The following TECR variants were observed in gnomAD, a reference collection of about 807,000 sequenced individuals.
TECR encodes the protein trans-2,3-enoyl-CoA reductase.
A neutral mutation model predicts 50.6 loss-of-function variants in TECR; 19 were observed. That is an observed-to-expected ratio of 0.38 (90% CI 0.26 to 0.55). TECR has a LOEUF of 0.55. TECR is among the 20% of genes least tolerant of loss of function. The probability of loss-of-function intolerance (pLI) is 0.79; values close to 1 mark genes in which losing one functional copy is unlikely to be tolerated. For synonymous variants in TECR, 168 were observed against 163.5 expected, an observed-to-expected ratio of 1.03 and a Z score of -0.21; for missense variants, 313 against 408.3, an observed-to-expected ratio of 0.77 and a Z score of 2.01.
chr19:14,546,432 C>T (rs2073309461), intron 1 of TECR, among the ~76,000 whole-genome samples: 1 of 152,096 alleles, frequency 6.6e-6, no homozygotes, highest in Non-Finnish European at 1.5e-5. Flanking sequence ...ACTAAAAATA[C>T]AAAAATTAAC....
rs193067302 is a variant in TECR at position 14,538,065 on chromosome 19, G to T, written c.15+8354G>T. Among the ~76,000 whole-genome samples, 174 of 152,270 alleles carry T rather than the reference G, an allele frequency of 1.1e-3. 5 individuals carry two copies. The highest frequency in any genetic ancestry group is 3.4e-3 in the Middle Eastern group (1 of 290). ...CGGCAGTGTGAGTGCTTCTTATCTA[G>T]TAACATATCTAAATCGTGTACTAAA... On this transcript the variant is annotated intron_variant, in intron 1 of 12. Coordinates refer to ENST00000215567, the MANE Select transcript of TECR (RefSeq NM_138501.6).
At chr19:14,542,137 T>C (rs945090731) in intron 1 of TECR, among the ~76,000 whole-genome samples, 14 of 152,016 alleles carry the variant, frequency 9.2e-5, no homozygotes, top group African/African-American at 2.7e-4. Context: ...CTATGAATTA[T>C]TGTTTTTAGT....
At chr19:14,556,480 T>C (rs1428858154) in intron 1 of TECR, among the ~76,000 whole-genome samples, 1 of 151,458 alleles carries the variant, frequency 6.6e-6, no homozygotes, top group Admixed American at 6.6e-5. Context: ...TTCACAACTC[T>C]TGGTGACAAA....
intron 1 of TECR, among the ~76,000 whole-genome samples, chr19:14,543,419 ATTTTTTT>A (rs1169742953): frequency 1.9e-3 from 42 of 21,774 alleles, no homozygotes; most frequent in Admixed American, 3.2e-3. Flanking sequence ...ATATATATAT[ATTTTTTT>A]TTTTTTTTTT....
chr19:14,550,826 C>T (rs996082083), intron 1 of TECR, among the ~76,000 whole-genome samples: 18 of 151,836 alleles, frequency 1.2e-4, no homozygotes, highest in African/African-American at 4.4e-4. Flanking sequence ...GACTACAGGC[C>T]CGTACCACTA....
chr19:14,532,541 G>A (rs1442908641), intron 1 of TECR: 1 of 148,676 alleles, frequency 6.7e-6, no homozygotes, highest in African/African-American at 2.5e-5. Flanking sequence ...AAAAAGGGAA[G>A]CTTCAAACTC....
At chr19:14,550,111 G>T (rs79499193) in intron 1 of TECR, among the ~76,000 whole-genome samples, 1 of 151,892 alleles carries the variant, frequency 6.6e-6, no homozygotes, top group Non-Finnish European at 1.5e-5. Context: ...AGTTCCATGC[G>T]AGCAGGGATT....
chr19:14,558,318 A>G (rs997477478), intron 1 of TECR, among the ~76,000 whole-genome samples: 3 of 152,038 alleles, frequency 2.0e-5, no homozygotes, highest in African/African-American at 7.2e-5. Context: ...CCCATTAGTA[A>G]TATCTTCATG....
chr19:14,539,607 C>T (rs958272111), intron 1 of TECR, among the ~76,000 whole-genome samples: 1 of 152,072 alleles, frequency 6.6e-6, no homozygotes, highest in Non-Finnish European at 1.5e-5. Context: ...TGTCATCTGT[C>T]CCCTGCTTTC....
chr19:14,543,456 T>G (rs2146582920), intron 1 of TECR, among the ~76,000 whole-genome samples: 1 of 82,136 alleles, frequency 1.2e-5, no homozygotes, highest in East Asian at 4.3e-4. Context: ...TTTTTTTTTT[T>G]GAGACGGAGT....
intron 1 of TECR, among the ~76,000 whole-genome samples, chr19:14,557,486 C>T (rs926693969): frequency 1.3e-5 from 2 of 148,990 alleles, no homozygotes; most frequent in Non-Finnish European, 3.0e-5. Flanking sequence ...GAGTCTTGCT[C>T]TGTCTCCCAG....
chr19:14,529,843 A>G, intron 1 of TECR, 132 bp downstream of exon 1: 2 of 1,279,994 alleles, frequency 1.6e-6, no homozygotes, highest in Non-Finnish European at 2.2e-6. Context: ...CGCAGTGGGC[A>G]AGCGTTGCGC....
chr19:14,538,984 T>C (rs1348601950), intron 1 of TECR, among the ~76,000 whole-genome samples: 2 of 150,762 alleles, frequency 1.3e-5, no homozygotes, highest in African/African-American at 4.9e-5. Context: ...ACATTTTTTT[T>C]TTTTTTTGAG....
At chr19:14,542,282 C>T (rs528586092) in intron 1 of TECR, among the ~76,000 whole-genome samples, 2 of 147,990 alleles carry the variant, frequency 1.4e-5, no homozygotes, top group African/African-American at 4.9e-5. Flanking sequence ...ACTGATTTTA[C>T]CTAAAAGATT....
Position 14,565,896 on chromosome 19 carries a change from C to G in TECR, c.*25C>G. On this transcript the variant is annotated 3_prime_UTR_variant, in exon 13 of 13. Transcript: ENST00000215567. ...AGCGCTCACCCCTGCTGAGGCTCAG[C>G]CCCTCAACCCGGTGGCATTCTGGGG... The G allele has an allele frequency of 6.4e-7, 1 of 1,564,378 alleles. No homozygotes were observed. The highest frequency in any genetic ancestry group is 8.6e-7 in the Non-Finnish European group (1 of 1,156,884).
At position 14,565,761 on chromosome 19, in the gene TECR, G is replaced by A; in HGVS notation, c.817G>A (p.Val273Met). 2 of 1,611,856 alleles carry A rather than the reference G, an allele frequency of 1.2e-6. No individual in the cohort carries two copies. The highest frequency in any genetic ancestry group is 1.7e-6 in the Non-Finnish European group (2 of 1,179,608). The change falls in exon 13 of 13, where the codon GTG becomes ATG. Residue 273 changes from valine (V) to methionine (M), a missense_variant. Coordinates refer to ENST00000215567, the MANE Select transcript of TECR (RefSeq NM_138501.6). ...TCCTGCAGTGGCCCTGTTCTCCCTG[G>A]TGGGCTTCACCCAGATGACCATCTG... ...QCLPVALFSL[V>M]GFTQMTIWAK...
intron 1 of TECR, among the ~76,000 whole-genome samples, chr19:14,546,519 A>C (rs534611790): frequency 2.6e-5 from 4 of 152,246 alleles, no homozygotes; most frequent in African/African-American, 9.6e-5. Flanking sequence ...CCCGGGAGGC[A>C]GAGGTTGTAG....
chr19:14,561,161 G>C (rs891617894), intron 1 of TECR, among the ~76,000 whole-genome samples: 1 of 152,194 alleles, frequency 6.6e-6, no homozygotes, highest in African/African-American at 2.4e-5. Flanking sequence ...CCTAGCTGCC[G>C]TGGCCCGGTC....
intron 1 of TECR, among the ~76,000 whole-genome samples, chr19:14,538,040 C>T (rs1034069453): frequency 2.0e-5 from 3 of 152,128 alleles, no homozygotes; most frequent in South Asian, 4.1e-4. Flanking sequence ...GCCACTGCGC[C>T]GGCAGTGTGA....
Sources: allele counts gnomAD v4.1 joint callset (sites outside exome capture counted in the v4.1 genomes callset), GRCh38; gene constraint gnomAD v4.1.1; transcripts MANE v1.5; gene names NCBI Gene and HGNC (gene_info 2026-07-23, HGNC 2026-07-21).